The following TRAP1 variants were observed in gnomAD, a reference collection of about 807,000 sequenced individuals.
TRAP1 encodes the protein TNF receptor associated protein 1.
In TRAP1, 102 loss-of-function variants were observed where a neutral mutation model predicts 89.1. That is an observed-to-expected ratio of 1.15 (90% confidence interval 0.98 to 1.35). The LOEUF (loss-of-function observed/expected upper bound fraction) is 1.35, where lower values mean the gene tolerates loss of function less well. Among genes scored for constraint, TRAP1 ranks in the 40% most tolerant of loss-of-function variants. The pLI is 0.00. For missense variants in TRAP1, 1,256 were observed against 945.3 expected (o/e 1.33, Z -4.31); for synonymous variants, 508 against 388.0 (o/e 1.31, Z -3.64).
At chr16:3,691,760 T>C (rs1274675899) in intron 1 of TRAP1, among the ~76,000 whole-genome samples, 4 of 152,196 alleles carry the variant, frequency 2.6e-5, no homozygotes, top group African/African-American at 9.7e-5. Context: ...CCCATTGCTT[T>C]TTCATCCAAA....
intron 15 of TRAP1, chr16:3,662,457 C>A: frequency 3.8e-6 from 2 of 532,110 alleles, no homozygotes; most frequent in South Asian, 4.1e-5. Flanking sequence ...ATGCATGGGA[C>A]GCTCATTTCT....
At chr16:3,670,568 G>A (rs577771581) in intron 11 of TRAP1, among the ~76,000 whole-genome samples, 102 of 151,926 alleles carry the variant, frequency 6.7e-4, no homozygotes, top group Non-Finnish European at 1.2e-3. Flanking sequence ...GCCAGGCATG[G>A]TAGCTCACAC....
chr16:3,671,716 G>C lies in TRAP1; in HGVS notation c.1235+6C>G, dbSNP rs370904749. 3.1e-6 allele frequency: 5 copies of C among 1,612,176 alleles called. No homozygotes were observed. In the African/African-American group the frequency reaches 6.7e-5, roughly 22 times the overall value. ...CAGGGTCCTCTCCCCGCGGCCCGAG[G>C]CTCACCTGATGAGTGCGCTCTCCTG... On this transcript the variant is annotated splice_donor_region_variant and intron_variant, in intron 11 of 17. Transcript: ENST00000246957.
rs1388801346 is a variant in TRAP1, at chr16:3,676,108, T to C, written c.742A>G (p.Arg248Gly). ...VFEIAEASGV[R>G]TGTKIIIHLK... ...TGGATGATGATTTTTGTCCCGGTTC[T>C]AACTCCCGAAGCTTCGGCGATTTCA... Residue 248 changes from arginine to glycine, a missense_variant, in exon 7 of 18, where the codon AGA becomes GGA. Coordinates refer to ENST00000246957, the MANE Select transcript of TRAP1 (RefSeq NM_016292.3). The C allele has an allele frequency of 6.2e-7, 1 of 1,613,968 alleles. No individual in the cohort carries two copies. Among genetic ancestry groups the C allele is most frequent in the Admixed American group, 1.7e-5 (1 of 59,984 alleles).
intron 11 of TRAP1, among the ~76,000 whole-genome samples, chr16:3,670,082 T>G (rs1476227078): frequency 6.6e-6 from 1 of 151,386 alleles, no homozygotes; most frequent in Admixed American, 6.6e-5. Flanking sequence ...TGAATTCAAT[T>G]GCATGAAAAA....
chr16:3,687,299 C>T (rs2051150743), intron 3 of TRAP1: 1 of 152,170 alleles, frequency 6.6e-6, no homozygotes, highest in Non-Finnish European at 1.5e-5. Context: ...GGGACTTGTT[C>T]CTCCTTGCCT....
chr16:3,684,197 G>C (rs1401501898), intron 4 of TRAP1, among the ~76,000 whole-genome samples: 2 of 152,072 alleles, frequency 1.3e-5, no homozygotes, highest in Non-Finnish European at 2.9e-5. Flanking sequence ...GAATTTGTGA[G>C]GGTTTACAAC....
chr16:3,697,951 G>C (rs957555780), intron 1 of TRAP1, among the ~76,000 whole-genome samples: 2 of 151,366 alleles, frequency 1.3e-5, no homozygotes, highest in African/African-American at 4.9e-5. Context: ...ACCATGCCCG[G>C]CTAACTTTTG....
chr16:3,663,547 C>G lies in TRAP1; in HGVS notation c.1585G>C (p.Glu529Gln), dbSNP rs2050742083. The G allele has an allele frequency of 1.9e-6, 3 of 1,614,000 alleles. No individual in the cohort carries two copies. The highest frequency in any genetic ancestry group is 2.5e-6 in the Non-Finnish European group (3 of 1,179,980). ...KKDTEVLFCF[E>Q]QFDELTLLHL... ...AGCAGGGTGAGCTCATCAAACTGCTCAAAGCAGAAGAGAACCTGCAGGTGG... is the reference window on the plus strand; with the variant it reads ...AGCAGGGTGAGCTCATCAAACTGCTGAAAGCAGAAGAGAACCTGCAGGTGG... The change falls in exon 14 of 18, where the codon GAG (glutamate) becomes CAG (glutamine). Residue 529 changes from glutamate to glutamine, a missense_variant. By Grantham distance (29) the Glu-to-Gln change is conservative (BLOSUM62 2). Coordinates refer to ENST00000246957, the MANE Select transcript of TRAP1 (RefSeq NM_016292.3).
intron 16 of TRAP1, chr16:3,661,360 G>C (rs1393869790): frequency 1.3e-5 from 2 of 151,954 alleles, no homozygotes; most frequent in African/African-American, 4.8e-5. Context: ...GAAATCTTAC[G>C]GCTCAGCCAC....
intron 1 of TRAP1, among the ~76,000 whole-genome samples, chr16:3,698,063 A>G (rs1233813229): frequency 6.6e-6 from 1 of 151,942 alleles, no homozygotes; most frequent in Non-Finnish European, 1.5e-5. Flanking sequence ...CGTCTGCCTC[A>G]GTCTCCCAAA....
At chr16:3,675,562 C>T (rs1248545958) in intron 7 of TRAP1, among the ~76,000 whole-genome samples, 165 bp from the exon 8 acceptor site, 4 of 152,186 alleles carry the variant, frequency 2.6e-5, no homozygotes, top group Non-Finnish European at 5.9e-5. Context: ...TGTCCTCCCC[C>T]CAGTCTCACG....
chr16:3,675,100 C>CTGA (rs1567230669), intron 8 of TRAP1, among the ~76,000 whole-genome samples: 1 of 152,156 alleles, frequency 6.6e-6, no homozygotes, highest in Non-Finnish European at 1.5e-5. Context: ...GGGCGTTACG[C>CTGA]CTCAGTGAAC....
intron 4 of TRAP1, 29 bp downstream of exon 4, chr16:3,685,967 G>A (rs1383579136): frequency 1.9e-6 from 3 of 1,606,252 alleles, no homozygotes; most frequent in Non-Finnish European, 2.6e-6. Flanking sequence ...GGCCGGGCCT[G>A]CCACACGCCT....
At chr16:3,717,274 A>AT in intron 1 of TRAP1, 147 bp downstream of exon 1, 1 of 354,852 alleles carries the variant, frequency 2.8e-6, no homozygotes, top group Non-Finnish European at 5.0e-6. Context: ...GCGGAGCGAA[A>AT]GTAAACGCGT....
chr16:3,664,304 G>C lies in TRAP1; in HGVS notation c.1539C>G (p.Tyr513Ter). 1 of 1,608,708 alleles carries C rather than the reference G, an allele frequency of 6.2e-7. No homozygotes were observed. Residue 513 changes from tyrosine (Y) to a stop codon, truncating the protein, a stop_gained, in exon 13 of 18, where the codon TAC becomes TAG. Coordinates refer to ENST00000246957, the MANE Select transcript of TRAP1 (RefSeq NM_016292.3). LOFTEE classifies it high-confidence loss of function. ...PNRHLAEHSP[Y>*]YEAMKKKDTE... Reference sequence around the variant, plus strand: ...TGTCTTTCTTCTTCATGGCCTCATAGTAGGGTGAGTGCTCTGCCAGGTGAC... The same window carrying C: ...TGTCTTTCTTCTTCATGGCCTCATACTAGGGTGAGTGCTCTGCCAGGTGAC...
chr16:3,662,842 A>G, intron 15 of TRAP1, 40 bp downstream of exon 15: 1 of 1,604,548 alleles, frequency 6.2e-7, no homozygotes, highest in Non-Finnish European at 8.5e-7. Flanking sequence ...TGTTAGGGAC[A>G]CTGCGGCCAA....
intron 11 of TRAP1, among the ~76,000 whole-genome samples, chr16:3,669,462 C>A (rs2050881134): frequency 6.6e-6 from 1 of 152,110 alleles, no homozygotes; most frequent in African/African-American, 2.4e-5. Context: ...AAGGAAAATA[C>A]CTTTTATATA....
Position 3,689,053 on chromosome 16 carries a change from A to T in TRAP1, c.330+2T>A. 1 of 1,609,992 alleles carries T rather than the reference A, an allele frequency of 6.2e-7. No individual in the cohort carries two copies. Among genetic ancestry groups the T allele is most frequent in the South Asian group, 1.1e-5 (1 of 90,164 alleles). On this transcript the variant is annotated splice_donor_variant, in intron 3 of 17. Coordinates refer to ENST00000246957, the MANE Select transcript of TRAP1 (RefSeq NM_016292.3). LOFTEE classifies it high-confidence loss of function. ...ATCGGGCATGGTTAGCAGGGAACGC[A>T]CCTCTTTTTCTGAGTACAGGGACCG...
Sources: gnomAD v4.1 joint callset for allele counts (sites outside exome capture counted in the v4.1 genomes callset) on GRCh38, gnomAD v4.1.1 for gene constraint, MANE v1.5 for transcripts, NCBI Gene and HGNC (gene_info 2026-07-23, HGNC 2026-07-21) for gene names.